OTOGL: variants seen among roughly 807,000 people sequenced by gnomAD.
OTOGL encodes otogelin like.
In OTOGL, 285 loss-of-function variants were observed where a neutral mutation model predicts 318.5. The ratio of observed to expected loss-of-function variants is 0.89; its 90% confidence interval spans 0.81 to 0.99. The LOEUF (loss-of-function observed/expected upper bound fraction) is 0.99, where lower values mean the gene tolerates loss of function less well. Ranked by LOEUF, OTOGL falls within the 50% of genes least tolerant of loss-of-function variation. The pLI is 0.00. For missense variants in OTOGL, 2,899 were observed against 2,845.6 expected (o/e 1.02, Z -0.43); for synonymous variants, 987 against 936.5 (o/e 1.05, Z -0.99).
At chr12:80,352,575 G>T (rs533736201) in intron 45 of OTOGL, 139 bp downstream of exon 45, 2 of 707,372 alleles carry the variant, frequency 2.8e-6, no homozygotes, top group South Asian at 2.7e-5. Flanking sequence ...ACAAACACAA[G>T]TTACATCACT....
chr12:80,371,992 G>T, intron 56 of OTOGL, 27 bp from the exon 57 acceptor site: 1 of 1,463,602 alleles, frequency 6.8e-7, no homozygotes, highest in Non-Finnish European at 9.2e-7. Context: ...CATATTCTTT[G>T]ACTTTATTGC....
At chr12:80,342,920 C>A (rs76278657) in intron 44 of OTOGL, among the ~76,000 whole-genome samples, 1 of 152,070 alleles carries the variant, frequency 6.6e-6, no homozygotes, top group African/African-American at 2.4e-5. Flanking sequence ...CTCACTTGGT[C>A]GCCTAGGCTG....
In OTOGL at chr12:80,378,149, A is replaced by T. The variant is rs1340381372; in HGVS notation, c.*101A>T. 3 of 879,346 alleles carry T rather than the reference A, an allele frequency of 3.4e-6. No homozygotes were observed. The Admixed American group carries it at 9.3e-5, about 27-fold the overall frequency. The allele number at this position is 879,346 out of a possible 1,614,324, so 54.5% of individuals were successfully genotyped here. A position where few individuals can be genotyped will look rare whatever the true frequency, so the allele number is the denominator to read the frequency against. On this transcript the variant is annotated 3_prime_UTR_variant, in exon 59 of 59. Coordinates refer to ENST00000547103, the MANE Select transcript of OTOGL (RefSeq NM_001378609.3). ...TGTGGCAGATTTATGCTGTTTAACA[A>T]TACTGTATTTTTCAGACTTGGAATG...
intron 30 of OTOGL, among the ~76,000 whole-genome samples, chr12:80,312,407 A>T (rs1886694686): frequency 1.3e-5 from 2 of 152,204 alleles, no homozygotes; most frequent in Non-Finnish European, 2.9e-5. Context: ...CAATAAAATC[A>T]TGTTATTCAT....
chr12:80,181,612 A>C (rs550013578), intron 1 of OTOGL, among the ~76,000 whole-genome samples: 1 of 152,066 alleles, frequency 6.6e-6, no homozygotes, highest in Non-Finnish European at 1.5e-5. Flanking sequence ...TGTTTTCTAC[A>C]TAACCCTGAG....
At chr12:80,107,928 A>T (rs1869551208) in intron 1 of OTOGL, among the ~76,000 whole-genome samples, 1 of 152,090 alleles carries the variant, frequency 6.6e-6, no homozygotes, top group East Asian at 1.9e-4. Context: ...GGGAAATAAC[A>T]GACACTGGGG....
intron 3 of OTOGL, 103 bp downstream of exon 3, chr12:80,210,989 T>A (rs1877211776): frequency 1.4e-6 from 1 of 735,116 alleles, no homozygotes; most frequent in Middle Eastern, 2.5e-4. Context: ...ATAAGTGAAA[T>A]GTTTTACAAA....
intron 1 of OTOGL, among the ~76,000 whole-genome samples, chr12:80,149,172 C>T (rs187679268): frequency 0.019 from 2,820 of 152,270 alleles, 80 homozygotes; most frequent in African/African-American, 0.062. Flanking sequence ...GTTTTTTCCC[C>T]ATCTTTGTGG....
At chr12:80,153,956 C>A (rs528214690) in intron 1 of OTOGL, among the ~76,000 whole-genome samples, 12 of 152,240 alleles carry the variant, frequency 7.9e-5, no homozygotes, top group African/African-American at 2.6e-4. Context: ...TGTAAGTGGA[C>A]AAAGTCAGTT....
intron 36 of OTOGL, 57 bp from the exon 37 acceptor site, chr12:80,328,994 G>A (rs1887892248): frequency 6.9e-7 from 1 of 1,443,066 alleles, no homozygotes; most frequent in Non-Finnish European, 9.5e-7. Context: ...TATGAAATAT[G>A]TGGGTCTAAT....
chr12:80,172,120 C>G (rs1375955620), intron 1 of OTOGL, among the ~76,000 whole-genome samples: 1 of 152,102 alleles, frequency 6.6e-6, no homozygotes, highest in Non-Finnish European at 1.5e-5. Context: ...TAAAGACTTT[C>G]CTTATGTACC....
At chr12:80,216,216 C>A (rs1877705824) in intron 4 of OTOGL, among the ~76,000 whole-genome samples, 1 of 152,092 alleles carries the variant, frequency 6.6e-6, no homozygotes, top group African/African-American at 2.4e-5. Context: ...TGGAAAATGT[C>A]AAAATAAAAC....
rs1409278337 is a variant in OTOGL at position 80,320,600 on chromosome 12, C to A, written c.3981C>A (p.Ser1327Arg). The A allele has an allele frequency of 3.7e-6, 6 of 1,612,578 alleles. No homozygotes were observed. In the East Asian group the frequency reaches 1.3e-4, roughly 36 times the overall value. ...GTTACAGTGCATTTGAGTTATACAGCAAGAAAGGCTTTTTCATCATATTCA... is the reference window on the plus strand; with the variant it reads ...GTTACAGTGCATTTGAGTTATACAGAAAGAAAGGCTTTTTCATCATATTCA... The part of the protein sequence containing the change: ...IPGYSAFELY[S>R]KKGFFIIFTD... The change falls in exon 34 of 59, where the codon AGC becomes AGA. Residue 1327 changes from serine to arginine, a missense_variant. Ser to Arg is a moderately radical substitution (Grantham distance 110, BLOSUM62 -1). Around this residue, in one of 3 missense-constraint regions of OTOGL, gnomAD observed 2,607 missense variants for 2,524.9 expected, o/e 1.03. Transcript: ENST00000547103.
rs1287869747 is a variant in OTOGL at position 80,310,639 on chromosome 12, C to A, written c.3362C>A (p.Pro1121His). 6.3e-7 allele frequency: 1 copy of A among 1,594,194 alleles called. No homozygotes were observed. The highest frequency in any genetic ancestry group is 1.7e-4 in the Middle Eastern group (1 of 6,050). The change falls in exon 30 of 59, where the codon CCC becomes CAC. Residue 1121 changes from proline to histidine, a missense_variant. Pro to His is a moderately conservative substitution (Grantham distance 77). Coordinates refer to ENST00000547103, the MANE Select transcript of OTOGL (RefSeq NM_001378609.3). ...QCESPDETIK[P>H]CEAHQNKFPY... Reference sequence around the variant, plus strand: ...GAAAGTCCAGATGAAACAATTAAACCCTGTGAGGCACATCAAAACAAATTT... The same window carrying A: ...GAAAGTCCAGATGAAACAATTAAACACTGTGAGGCACATCAAAACAAATTT...
At chr12:80,285,361 G>T (rs533186904) in intron 26 of OTOGL, among the ~76,000 whole-genome samples, 1 of 152,194 alleles carries the variant, frequency 6.6e-6, no homozygotes, top group South Asian at 2.1e-4. Context: ...GGCTATATGG[G>T]CTCTTTTTTG....
chr12:80,339,998 C>G (rs1374224921), intron 43 of OTOGL, among the ~76,000 whole-genome samples: 1 of 152,130 alleles, frequency 6.6e-6, no homozygotes, highest in African/African-American at 2.4e-5. Flanking sequence ...TCAGTTTCCT[C>G]ATCTTTAAAA....
chr12:80,348,274 A>G (rs1292948915), intron 44 of OTOGL, among the ~76,000 whole-genome samples: 1 of 152,100 alleles, frequency 6.6e-6, no homozygotes, highest in Non-Finnish European at 1.5e-5. Context: ...AAGTTCTTTA[A>G]TCTATCTTGA....
Position 80,181,331 on chromosome 12 carries a change from TTCTC to T in OTOGL, c.-19-28062_-19-28059del, listed in dbSNP as rs57549257. 2.5e-4 allele frequency among the ~76,000 whole-genome samples: 37 copies of T among 149,222 alleles called. No individual in the cohort carries two copies. In the East Asian group the frequency reaches 3.0e-3, roughly 12 times the overall value. On this transcript the variant is annotated intron_variant, in intron 1 of 58. Transcript: ENST00000547103. The stretch of plus-strand genomic sequence containing the variant: ...TTTAGATTTTTCTTTTTAAATTTAC[TTCTC>T]TCTCTCTCTCTCTCTCTCTGTAATA...
chr12:80,318,906 T>C (rs1008775200), intron 33 of OTOGL, among the ~76,000 whole-genome samples, 193 bp downstream of exon 33: 3 of 152,230 alleles, frequency 2.0e-5, no homozygotes, highest in Non-Finnish European at 1.5e-5. Flanking sequence ...CTTTGTTTAT[T>C]TATTGGCATA....
Sources: gnomAD v4.1 joint callset for allele counts (sites outside exome capture counted in the v4.1 genomes callset) on GRCh38, gnomAD v4.1.1 for gene constraint, gnomAD v4.1.1 regional missense constraint, MANE v1.5 for transcripts, NCBI Gene and HGNC (gene_info 2026-07-23, HGNC 2026-07-21) for gene names.